Variants in CACNA2D3 observed in about 807,000 individuals in gnomAD.
The protein encoded by CACNA2D3 is calcium voltage-gated channel auxiliary subunit alpha2delta 3.
In CACNA2D3, 60 loss-of-function variants were observed where a neutral mutation model predicts 160.6. The observed-to-expected ratio is 0.37, with a 90% CI of 0.30 to 0.46. CACNA2D3 has a LOEUF of 0.46. CACNA2D3 is among the 20% of genes least tolerant of loss of function. The pLI is 1.00. For missense variants in CACNA2D3, 1,205 were observed against 1,365.0 expected (o/e 0.88, Z 1.85); for synonymous variants, 558 against 492.9 (o/e 1.13, Z -1.75).
intron 27 of CACNA2D3, chr3:54,918,663 C>T (rs768279282): frequency 6.2e-7 from 1 of 1,614,150 alleles, no homozygotes; most frequent in Non-Finnish European, 8.5e-7. Flanking sequence ...GGTTGGCCGG[C>T]CTTGGCTTGG....
intron 17 of CACNA2D3, among the ~76,000 whole-genome samples, chr3:54,867,102 A>C (rs1471749685): frequency 4.6e-5 from 7 of 152,312 alleles, no homozygotes; most frequent in Admixed American, 4.6e-4. Context: ...AGATACACTA[A>C]CAAATGCCAT....
At chr3:54,535,050 T>G (rs1701866975) in intron 5 of CACNA2D3, among the ~76,000 whole-genome samples, 1 of 152,256 alleles carries the variant, frequency 6.6e-6, no homozygotes, top group African/African-American at 2.4e-5. Context: ...TGTTTTATGC[T>G]TCATCATTCC....
At chr3:54,742,883 A>G (rs1417150073) in intron 11 of CACNA2D3, among the ~76,000 whole-genome samples, 1 of 152,208 alleles carries the variant, frequency 6.6e-6, no homozygotes, top group East Asian at 1.9e-4. Flanking sequence ...GGCTGTAATA[A>G]CACAGATCAG....
intron 2 of CACNA2D3, among the ~76,000 whole-genome samples, chr3:54,181,122 C>T (rs568798253): frequency 6.6e-6 from 1 of 152,262 alleles, no homozygotes; most frequent in South Asian, 2.1e-4. Flanking sequence ...TCACCCTTCA[C>T]TTACTGTGAA....
intron 2 of CACNA2D3, among the ~76,000 whole-genome samples, chr3:54,257,029 C>T (rs1186826262): frequency 3.3e-5 from 5 of 149,812 alleles, no homozygotes; most frequent in African/African-American, 1.2e-4. Context: ...CTTATGACCA[C>T]TGAAGCAGAA....
intron 3 of CACNA2D3, among the ~76,000 whole-genome samples, chr3:54,335,984 G>A (rs1236018883): frequency 8.5e-6 from 1 of 117,758 alleles, no homozygotes; most frequent in African/African-American, 3.3e-5. Context: ...ATAGCCTGGC[G>A]ACAGAGGAAG....
intron 4 of CACNA2D3, among the ~76,000 whole-genome samples, chr3:54,453,009 T>G (rs1359695184): frequency 6.6e-6 from 1 of 152,020 alleles, no homozygotes; most frequent in Non-Finnish European, 1.5e-5. Context: ...CCTCTTTCTT[T>G]CTGACAGGGT....
intron 4 of CACNA2D3, among the ~76,000 whole-genome samples, chr3:54,463,925 A>G (rs1228302168): frequency 3.9e-5 from 6 of 151,996 alleles, no homozygotes; most frequent in Non-Finnish European, 1.5e-5. Context: ...GTCTTTGATG[A>G]TGGCGATGTA....
At chr3:54,185,853 C>T (rs1304739347) in intron 2 of CACNA2D3, among the ~76,000 whole-genome samples, 3 of 152,224 alleles carry the variant, frequency 2.0e-5, no homozygotes, top group Admixed American at 2.0e-4. Flanking sequence ...GCTGCACATT[C>T]CCTGCTGTTC....
chr3:54,227,641 G>A (rs1174829843), intron 2 of CACNA2D3, among the ~76,000 whole-genome samples: 7 of 152,012 alleles, frequency 4.6e-5, no homozygotes, highest in African/African-American at 9.7e-5. Flanking sequence ...TGCAACCTCC[G>A]CCTCTCAGGT....
chr3:54,427,476 A>G (rs1699927378), intron 4 of CACNA2D3, among the ~76,000 whole-genome samples: 1 of 152,188 alleles, frequency 6.6e-6, no homozygotes, highest in Non-Finnish European at 1.5e-5. Context: ...AAGAGGAGGT[A>G]TTGATGATTA....
At chr3:54,729,235 A>G (rs151237967) in intron 11 of CACNA2D3, among the ~76,000 whole-genome samples, 5 of 152,226 alleles carry the variant, frequency 3.3e-5, no homozygotes, top group African/African-American at 1.2e-4. Flanking sequence ...ATTCTTCCCT[A>G]TTAATTGGCA....
chr3:54,860,428 G>A (rs559293741), intron 17 of CACNA2D3, among the ~76,000 whole-genome samples: 1 of 152,154 alleles, frequency 6.6e-6, no homozygotes. Flanking sequence ...ACTGGGAGGG[G>A]CTGGGACTTT....
intron 27 of CACNA2D3, among the ~76,000 whole-genome samples, chr3:54,904,091 T>C (rs1700401386): frequency 6.6e-6 from 1 of 152,198 alleles, no homozygotes; most frequent in African/African-American, 2.4e-5. Context: ...GGCAAGAGCC[T>C]TCGTGCTGTG....
chr3:54,747,562 C>G (rs992810841), intron 11 of CACNA2D3, among the ~76,000 whole-genome samples: 2 of 152,088 alleles, frequency 1.3e-5, no homozygotes, highest in Non-Finnish European at 2.9e-5. Context: ...TGTCAGACTT[C>G]TACTCAATCT....
At chr3:55,044,499 A>G (rs1027604696) in intron 35 of CACNA2D3, among the ~76,000 whole-genome samples, 1 of 152,166 alleles carries the variant, frequency 6.6e-6, no homozygotes, top group Non-Finnish European at 1.5e-5. Context: ...TTTTTATAGC[A>G]TCTTAGACTA....
Position 54,280,060 on chromosome 3 carries a change from G to GTTTATTTA in CACNA2D3, c.205-40379_205-40378insATTTATTT, listed in dbSNP as rs200788618. Among the ~76,000 whole-genome samples the GTTTATTTA allele has an allele frequency of 2.6e-3, 389 of 148,856 alleles. 1 individual carries two copies. The highest frequency in any genetic ancestry group is 6.9e-3 in the Middle Eastern group (2 of 290). ...ACCAACAAAGATGACTTGTTTGTTT[G>GTTTATTTA]TTTGTTTGTTTATTTATTTATTTAT... On this transcript the variant is annotated intron_variant, in intron 2 of 37. Coordinates refer to ENST00000474759, the MANE Select transcript of CACNA2D3 (RefSeq NM_018398.3).
chr3:54,933,877 T>A (rs1701267133), intron 27 of CACNA2D3, among the ~76,000 whole-genome samples: 1 of 151,810 alleles, frequency 6.6e-6, no homozygotes, highest in Non-Finnish European at 1.5e-5. Context: ...CAAGCAATTC[T>A]CCTGCCTCAG....
chr3:55,015,750 C>G (rs567238414), intron 34 of CACNA2D3, among the ~76,000 whole-genome samples: 1 of 152,280 alleles, frequency 6.6e-6, no homozygotes, highest in African/African-American at 2.4e-5. Flanking sequence ...CTGGCCTCTT[C>G]AGCTTAAAAG....
Sources: allele counts gnomAD v4.1 joint callset (sites outside exome capture counted in the v4.1 genomes callset), GRCh38; gene constraint gnomAD v4.1.1; transcripts MANE v1.5; gene names NCBI Gene and HGNC (gene_info 2026-07-23, HGNC 2026-07-21).